DNAH8: variants seen among roughly 807,000 people sequenced by gnomAD.
DNAH8 encodes axonemal beta dynein heavy chain 8.
DNAH8 carries 382 observed loss-of-function variants against 562.1 expected under a neutral mutation model. The observed-to-expected ratio is 0.68, with a 90% CI of 0.63 to 0.74. DNAH8 has a LOEUF of 0.74. Among genes scored for constraint, DNAH8 ranks in the 30% least tolerant of loss-of-function variants. The probability of loss-of-function intolerance (pLI) is 0.00; values close to 1 mark genes in which losing one functional copy is unlikely to be tolerated. For synonymous variants in DNAH8, 1,881 were observed against 1,919.4 expected, an observed-to-expected ratio of 0.98 and a Z score of 0.52; for missense variants, 5,203 against 5,620.4, an observed-to-expected ratio of 0.93 and a Z score of 2.37.
At chr6:38,902,390 C>T (rs7757442) in intron 62 of DNAH8, among the ~76,000 whole-genome samples, 11,996 of 152,108 alleles carry the variant, frequency 0.079, 838 homozygotes, top group East Asian at 0.28. Flanking sequence ...CCCTAATCAC[C>T]CCAGGGCCAC....
chr6:38,968,771 C>T (rs1436906492), intron 82 of DNAH8, among the ~76,000 whole-genome samples: 1 of 152,128 alleles, frequency 6.6e-6, no homozygotes, highest in Non-Finnish European at 1.5e-5. Flanking sequence ...ACTCAGCAAA[C>T]TTGCCTCTAA....
At position 38,795,449 on chromosome 6, in the gene DNAH8, G is replaced by A. The variant is rs192215276; in HGVS notation, c.2901+3775G>A. Among the ~76,000 whole-genome samples the A allele has an allele frequency of 4.8e-3, 735 of 152,204 alleles. 10 individuals carry two copies. Among genetic ancestry groups the A allele is most frequent in the African/African-American group, 0.017 (710 of 41,530 alleles). ...AAAAAAATTAGCCAGGTGTGGTGGC[G>A]GGTGCCTGTAGTCCCAGCTACTTGG... On this transcript the variant is annotated intron_variant, in intron 21 of 92. Coordinates refer to ENST00000327475, the MANE Select transcript of DNAH8 (RefSeq NM_001206927.2).
chr6:38,999,715 A>G (rs1765355960), intron 88 of DNAH8, among the ~76,000 whole-genome samples: 1 of 151,918 alleles, frequency 6.6e-6, no homozygotes, highest in Admixed American at 6.6e-5. Flanking sequence ...AATCCTGTGA[A>G]AATATCCTAT....
chr6:39,010,497 A>G (rs2150769288), intron 89 of DNAH8, among the ~76,000 whole-genome samples: 1 of 152,142 alleles, frequency 6.6e-6, no homozygotes, highest in South Asian at 2.1e-4. Context: ...CTAGAATTAC[A>G]TTTTCTAGGG....
Position 38,870,541 on chromosome 6 carries a change from C to G in DNAH8, c.6969C>G (p.Pro2323=). 1.9e-6 allele frequency: 3 copies of G among 1,613,926 alleles called. No individual in the cohort carries two copies. ...TAGAGGGTTTGATTAACCATCCACC[C>G]TGGAACCTGAAACTCGTGCAGGTAA... ...VQIEGLINHP[P]WNLKLVQLYE... is the part of the protein sequence containing the mutation. Residue 2323 remains proline, a synonymous_variant, in exon 49 of 93, where the codon CCC becomes CCG. Transcript: ENST00000327475.
intron 66 of DNAH8, among the ~76,000 whole-genome samples, chr6:38,913,536 C>A (rs1047724251): frequency 3.3e-5 from 5 of 152,186 alleles, no homozygotes; most frequent in African/African-American, 1.2e-4. Context: ...TACAAAGCCA[C>A]AGAGAGCATA....
In DNAH8 at chr6:39,008,796, G is replaced by A. The variant is rs1422170511; in HGVS notation, c.13215-18G>A. On this transcript the variant is annotated intron_variant, in intron 88 of 92. Transcript: ENST00000327475. Reference sequence around the variant, plus strand: ...ATGTTTCCCTGTAACATTCTGAACAGCTCACTCTTTTTACTAGGTATCAGA... The same window carrying A: ...ATGTTTCCCTGTAACATTCTGAACAACTCACTCTTTTTACTAGGTATCAGA... The A allele has an allele frequency of 1.3e-6, 2 of 1,545,358 alleles. No individual in the cohort carries two copies. The highest frequency in any genetic ancestry group is 2.3e-5 in the East Asian group (1 of 44,138).
intron 81 of DNAH8, among the ~76,000 whole-genome samples, chr6:38,950,123 T>C (rs1024902434): frequency 1.3e-5 from 2 of 151,968 alleles, no homozygotes; most frequent in Non-Finnish European, 2.9e-5. Flanking sequence ...TTTCACTGTT[T>C]ACATTTTCTC....
chr6:38,911,376 A>T, intron 65 of DNAH8, 92 bp from the exon 66 acceptor site: 1 of 940,134 alleles, frequency 1.1e-6, no homozygotes, highest in Non-Finnish European at 1.8e-6. Context: ...GAATCACTCT[A>T]CATGATCACA....
intron 9 of DNAH8, among the ~76,000 whole-genome samples, chr6:38,752,918 GA>G (rs1489001361): frequency 6.6e-6 from 1 of 152,140 alleles, no homozygotes; most frequent in African/African-American, 2.4e-5. Context: ...TATTTGCAAA[GA>G]GATGACTTTT....
intron 85 of DNAH8, among the ~76,000 whole-genome samples, chr6:38,979,556 C>T (rs1763899111): frequency 6.6e-6 from 1 of 152,120 alleles, no homozygotes; most frequent in Non-Finnish European, 1.5e-5. Context: ...AAAGAAAAGG[C>T]ACCCACTAAG....
chr6:38,796,049 G>T (rs1259838090), intron 21 of DNAH8, among the ~76,000 whole-genome samples: 3 of 152,186 alleles, frequency 2.0e-5, no homozygotes, highest in Admixed American at 6.5e-5. Context: ...TTGGCCAGCT[G>T]GGTCCCTTTT....
At chr6:39,027,753 G>C (rs1767392401) in intron 92 of DNAH8, among the ~76,000 whole-genome samples, 1 of 152,164 alleles carries the variant, frequency 6.6e-6, no homozygotes, top group South Asian at 2.1e-4. Flanking sequence ...TTGAATACAG[G>C]AGGCGGAGGT....
intron 88 of DNAH8, among the ~76,000 whole-genome samples, chr6:39,000,574 T>C (rs1333388777): frequency 6.6e-6 from 1 of 152,102 alleles, no homozygotes; most frequent in Non-Finnish European, 1.5e-5. Context: ...GGTTACACAC[T>C]CCTTATGAGA....
At chr6:38,780,773 C>T (rs1380454254) in intron 15 of DNAH8, among the ~76,000 whole-genome samples, 3 of 152,104 alleles carry the variant, frequency 2.0e-5, no homozygotes, top group African/African-American at 4.8e-5. Flanking sequence ...ATCTGTACAA[C>T]TAATCCTCAT....
At chr6:38,946,042 CTTG>C (rs1016206694) in intron 80 of DNAH8, among the ~76,000 whole-genome samples, 1 of 151,830 alleles carries the variant, frequency 6.6e-6, no homozygotes, top group Non-Finnish European at 1.5e-5. Flanking sequence ...TACCGATTTG[CTTG>C]TTGTTTTTTT....
chr6:38,766,949 G>T (rs1417893108), intron 11 of DNAH8, among the ~76,000 whole-genome samples: 1 of 151,974 alleles, frequency 6.6e-6, no homozygotes, highest in African/African-American at 2.4e-5. Flanking sequence ...TTTGTGAAAA[G>T]ATTTTTAATT....
At position 38,816,414 on chromosome 6, in the gene DNAH8, A is replaced by G. The variant is rs550754496; in HGVS notation, c.3523+757A>G. Among the ~76,000 whole-genome samples the G allele has an allele frequency of 7.2e-5, 11 of 152,252 alleles. No homozygotes were observed. In the East Asian group the frequency reaches 1.7e-3, roughly 24 times the overall value. On this transcript the variant is annotated intron_variant, in intron 26 of 92. Transcript: ENST00000327475. ...ATCTATGTCCTTGCAAAGGACATGA[A>G]CTCATTCTTTTTTTATGGCTGCATA...
chr6:38,762,157 T>G (rs1766587075), intron 11 of DNAH8, among the ~76,000 whole-genome samples: 1 of 152,226 alleles, frequency 6.6e-6, no homozygotes, highest in Admixed American at 6.5e-5. Context: ...GTTGCCATCC[T>G]AATTTTGATC....
Sources: allele counts gnomAD v4.1 joint callset (sites outside exome capture counted in the v4.1 genomes callset), GRCh38; gene constraint gnomAD v4.1.1; transcripts MANE v1.5; gene names NCBI Gene and HGNC (gene_info 2026-07-23, HGNC 2026-07-21).